Variants in ROBO1 observed in about 807,000 individuals in gnomAD.
The protein encoded by ROBO1 is roundabout guidance receptor 1, also known as roundabout homolog 1.
In ROBO1, 149 loss-of-function variants were observed where a neutral mutation model predicts 195.9. That is an observed-to-expected ratio of 0.76 (90% CI 0.67 to 0.87). The LOEUF (loss-of-function observed/expected upper bound fraction) is 0.87, where lower values mean the gene tolerates loss of function less well. Ranked by LOEUF, ROBO1 falls within the 40% of genes least tolerant of loss-of-function variation. The probability of loss-of-function intolerance (pLI) is 0.00; values close to 1 mark genes in which losing one functional copy is unlikely to be tolerated. For synonymous variants in ROBO1, 816 were observed against 733.2 expected (o/e 1.11, Z -1.82); for missense variants, 1,933 against 2,068.3 (o/e 0.93, Z 1.27).
intron 1 of ROBO1, among the ~76,000 whole-genome samples, chr3:79,613,563 C>A (rs1002209682): frequency 1.3e-5 from 2 of 151,880 alleles, no homozygotes; most frequent in Admixed American, 6.6e-5. Flanking sequence ...TCAATAATTG[C>A]ATGAAGTGTA....
intron 4 of ROBO1, among the ~76,000 whole-genome samples, chr3:78,858,729 A>T (rs1010861086): frequency 6.6e-6 from 1 of 151,968 alleles, no homozygotes; most frequent in African/African-American, 2.4e-5. Context: ...CAACAGAGTG[A>T]GACCCTGACC....
intron 2 of ROBO1, among the ~76,000 whole-genome samples, chr3:79,515,039 T>C (rs2107554878): frequency 6.6e-6 from 1 of 152,348 alleles, no homozygotes; most frequent in Non-Finnish European, 1.5e-5. Context: ...TGTTTTTGGT[T>C]GCAAAAGAGG....
At chr3:79,244,143 C>A (rs1189279659) in intron 2 of ROBO1, among the ~76,000 whole-genome samples, 1 of 152,064 alleles carries the variant, frequency 6.6e-6, no homozygotes, top group Non-Finnish European at 1.5e-5. Flanking sequence ...TCAGATTCCA[C>A]CGTTGATGTT....
intron 4 of ROBO1, among the ~76,000 whole-genome samples, chr3:78,862,490 C>G (rs2034913183): frequency 6.6e-6 from 1 of 152,122 alleles, no homozygotes; most frequent in Non-Finnish European, 1.5e-5. Context: ...AGACTTCTGA[C>G]CTACATAAAT....
chr3:79,155,031 G>A (rs1359824524), intron 2 of ROBO1, among the ~76,000 whole-genome samples: 2 of 151,738 alleles, frequency 1.3e-5, no homozygotes, highest in Non-Finnish European at 2.9e-5. Flanking sequence ...AGCTCTGCTC[G>A]GGTATACACA....
At chr3:78,679,527 C>T (rs1183440406) in intron 10 of ROBO1, among the ~76,000 whole-genome samples, 1 of 152,118 alleles carries the variant, frequency 6.6e-6, no homozygotes, top group Non-Finnish European at 1.5e-5. Context: ...TTCTTATACA[C>T]CAATAACAGA....
intron 1 of ROBO1, among the ~76,000 whole-genome samples, chr3:79,649,057 T>C (rs1945921018): frequency 6.6e-6 from 1 of 152,084 alleles, no homozygotes; most frequent in South Asian, 2.1e-4. Flanking sequence ...TGACCCAAAT[T>C]TGAAATTTTA....
intron 2 of ROBO1, among the ~76,000 whole-genome samples, chr3:79,328,829 C>CTAT (rs1468426521): frequency 6.6e-6 from 1 of 151,868 alleles, no homozygotes; most frequent in African/African-American, 2.4e-5. Context: ...TTCCCAAAGT[C>CTAT]TATTGTATCA....
intron 4 of ROBO1, among the ~76,000 whole-genome samples, chr3:78,785,349 G>A (rs938964951): frequency 2.0e-5 from 3 of 152,088 alleles, no homozygotes; most frequent in African/African-American, 7.2e-5. Context: ...TTAACCCTCT[G>A]TAAAGTGGAC....
intron 2 of ROBO1, among the ~76,000 whole-genome samples, chr3:79,364,454 CTAAT>C (rs2035890382): frequency 1.3e-5 from 2 of 151,796 alleles, no homozygotes; most frequent in Admixed American, 6.6e-5. Flanking sequence ...GTTTTAACAG[CTAAT>C]TACCCTCCCT....
At chr3:78,760,968 C>A (rs1434955062) in intron 4 of ROBO1, among the ~76,000 whole-genome samples, 1 of 151,624 alleles carries the variant, frequency 6.6e-6, no homozygotes, top group Admixed American at 6.6e-5. Flanking sequence ...TAAATTGTAA[C>A]GTTTAAAGAA....
chr3:78,635,576 TATAAA>T (rs2107529851), intron 23 of ROBO1, among the ~76,000 whole-genome samples, 192 bp downstream of exon 23: 1 of 152,280 alleles, frequency 6.6e-6, no homozygotes, highest in East Asian at 1.9e-4. Flanking sequence ...TATATATTAT[TATAAA>T]ATAAATTTTC....
chr3:79,192,132 A>T (rs1257935796), intron 2 of ROBO1, among the ~76,000 whole-genome samples: 1 of 151,684 alleles, frequency 6.6e-6, no homozygotes, highest in Admixed American at 6.6e-5. Flanking sequence ...TTAGAAATAT[A>T]TCCCCACATT....
intron 2 of ROBO1, among the ~76,000 whole-genome samples, chr3:79,396,717 T>C (rs1157356359): frequency 6.6e-6 from 1 of 152,098 alleles, no homozygotes; most frequent in East Asian, 1.9e-4. Context: ...AACTGTAAAA[T>C]GAGTCAAAAG....
At chr3:79,007,393 C>T (rs1053335329) in intron 3 of ROBO1, among the ~76,000 whole-genome samples, 4 of 152,102 alleles carry the variant, frequency 2.6e-5, no homozygotes, top group South Asian at 2.1e-4. Flanking sequence ...CAGGGTACCA[C>T]GGAGAGGGCA....
intron 4 of ROBO1, among the ~76,000 whole-genome samples, chr3:78,823,315 G>T (rs2031217215): frequency 6.6e-6 from 1 of 151,638 alleles, no homozygotes. Flanking sequence ...ATACAGAAAA[G>T]GCCATATTTT....
chr3:79,128,525 C>G (rs2080260039), intron 2 of ROBO1, among the ~76,000 whole-genome samples: 1 of 152,122 alleles, frequency 6.6e-6, no homozygotes, highest in South Asian at 2.1e-4. Flanking sequence ...TTTTCTGCAC[C>G]AGTATTCTAT....
chr3:78,962,063 CCAAA>C (rs2041379846), intron 3 of ROBO1, among the ~76,000 whole-genome samples: 1 of 152,012 alleles, frequency 6.6e-6, no homozygotes, highest in African/African-American at 2.4e-5. Context: ...CTCACATTTT[CCAAA>C]CAAAGGAAAA....
chr3:79,586,129 T>A (rs1290140904), intron 2 of ROBO1, among the ~76,000 whole-genome samples: 1 of 151,998 alleles, frequency 6.6e-6, no homozygotes, highest in Admixed American at 6.6e-5. Flanking sequence ...AAGGAGATTT[T>A]TTAAAATCTG....
Sources: allele counts gnomAD v4.1 joint callset (sites outside exome capture counted in the v4.1 genomes callset), GRCh38; gene constraint gnomAD v4.1.1; transcripts MANE v1.5; gene names NCBI Gene and HGNC (gene_info 2026-07-23, HGNC 2026-07-21).